ANKRD31: variants seen among roughly 807,000 people sequenced by gnomAD.
ANKRD31 encodes ankyrin repeat domain 31.
ANKRD31 carries 147 observed loss-of-function variants against 186.0 expected under a neutral mutation model. The ratio of observed to expected loss-of-function variants is 0.79; its 90% CI spans 0.69 to 0.91. The LOEUF is 0.91. ANKRD31 is among the 40% of genes least tolerant of loss of function. The pLI, the probability that ANKRD31 is intolerant of heterozygous loss-of-function variation, is 0.00. For missense variants in ANKRD31, 1,986 were observed against 2,148.8 expected, an observed-to-expected ratio of 0.92 and a Z score of 1.50; for synonymous variants, 673 against 736.4, an observed-to-expected ratio of 0.91 and a Z score of 1.39.
At chr5:75,150,191 A>C (rs923637240) in intron 12 of ANKRD31, among the ~76,000 whole-genome samples, 2 of 151,878 alleles carry the variant, frequency 1.3e-5, no homozygotes, top group African/African-American at 4.8e-5. Flanking sequence ...GAAAATTAGG[A>C]ATGTTAATTT....
intron 14 of ANKRD31, among the ~76,000 whole-genome samples, 175 bp downstream of exon 14, chr5:75,145,811 CT>C: frequency 6.6e-6 from 1 of 152,170 alleles, no homozygotes; most frequent in South Asian, 2.1e-4. Context: ...ATCGTTTTGA[CT>C]TTCGAAGTAA....
intron 10 of ANKRD31, among the ~76,000 whole-genome samples, chr5:75,175,920 C>A (rs200979566): frequency 6.6e-6 from 1 of 151,948 alleles, no homozygotes; most frequent in East Asian, 1.9e-4. Flanking sequence ...ATGTGTGAGC[C>A]GAAGCAGGGT....
At chr5:75,216,080 T>C (rs1022164938) in intron 3 of ANKRD31, among the ~76,000 whole-genome samples, 1 of 152,196 alleles carries the variant, frequency 6.6e-6, no homozygotes, top group Non-Finnish European at 1.5e-5. Flanking sequence ...ATTTTTCCAA[T>C]GAAAGTTTTT....
At chr5:75,131,025 G>T (rs1281033708) in intron 17 of ANKRD31, among the ~76,000 whole-genome samples, 1 of 152,182 alleles carries the variant, frequency 6.6e-6, no homozygotes, top group Admixed American at 6.5e-5. Context: ...CCATGCACGG[G>T]ACCCAGCCTC....
At chr5:75,191,684 G>C (rs1004579212) in intron 9 of ANKRD31, among the ~76,000 whole-genome samples, 2 of 151,934 alleles carry the variant, frequency 1.3e-5, no homozygotes, top group African/African-American at 4.8e-5. Flanking sequence ...TCAAGAACAA[G>C]GTTCTTCTTT....
chr5:75,223,303 GAATGA>G (rs1380246984), intron 2 of ANKRD31, among the ~76,000 whole-genome samples: 5 of 152,018 alleles, frequency 3.3e-5, no homozygotes. Flanking sequence ...ATACTACACT[GAATGA>G]AATAATACTT....
At chr5:75,088,290 A>G (rs10462511) in intron 23 of ANKRD31, among the ~76,000 whole-genome samples, 81,685 of 151,986 alleles carry the variant, frequency 0.54, 24,549 homozygotes, top group African/African-American at 0.83. Context: ...ATCCAAAGGA[A>G]TGGAAAGGGT....
chr5:75,206,569 T>C, intron 4 of ANKRD31, 82 bp from the exon 5 acceptor site: 2 of 785,594 alleles, frequency 2.5e-6, no homozygotes, highest in East Asian at 3.9e-5. Flanking sequence ...TAATTTTTCT[T>C]TTTCACTTAA....
Position 75,146,232 on chromosome 5 carries a change from T to C in ANKRD31, c.3179A>G (p.Asn1060Ser). Residue 1060 changes from asparagine to serine, a missense_variant, in exon 14 of 26, where the codon AAT becomes AGT. Transcript: ENST00000506364. The part of the protein sequence containing the change: ...DTHIVEKMAK[N>S]CDTERNYIDR... ...AATGTAATTCCTCTCAGTGTCACAA[T>C]TCTTTGCCATCTTTTCCACAATATG... 6.5e-7 allele frequency: 1 copy of C among 1,536,474 alleles called. No individual in the cohort carries two copies. The highest frequency in any genetic ancestry group is 8.7e-7 in the Non-Finnish European group (1 of 1,146,416).
At chr5:75,140,805 C>A (rs1387681373) in intron 15 of ANKRD31, among the ~76,000 whole-genome samples, 3 of 152,126 alleles carry the variant, frequency 2.0e-5, no homozygotes. Context: ...AGCCAACCAT[C>A]CTCAAGAAAT....
At chr5:75,188,795 T>A in intron 9 of ANKRD31, 147 bp from the exon 10 acceptor site, 1 of 651,104 alleles carries the variant, frequency 1.5e-6, no homozygotes, top group Non-Finnish European at 2.5e-6. Flanking sequence ...TGAAGTATAT[T>A]ATGAGAATAT....
chr5:75,158,783 T>G (rs1752377344), intron 11 of ANKRD31, among the ~76,000 whole-genome samples: 1 of 152,006 alleles, frequency 6.6e-6, no homozygotes, highest in African/African-American at 2.4e-5. Context: ...CAGAGTGAGA[T>G]TCTGTCTCAA....
At chr5:75,173,344 T>G (rs188507462) in intron 10 of ANKRD31, among the ~76,000 whole-genome samples, 2 of 152,136 alleles carry the variant, frequency 1.3e-5, no homozygotes, top group Admixed American at 6.6e-5. Context: ...ATACCCTCTC[T>G]CAACTCCTAT....
rs1015692848 is a variant in ANKRD31, at chr5:75,206,474, A to G, written c.340T>C (p.Cys114Arg). ...CGAAACGACCCAATGAACATTGAAC[A>G]GTTTTTTCTAGTCCTAAAAAATCAA... Reference protein sequence around the residue: ...NQALLQTRKNCSMFIGSFRQS... With the variant: ...NQALLQTRKNRSMFIGSFRQS... Residue 114 changes from cysteine (C) to arginine (R), a missense_variant, in exon 5 of 26, where the codon TGT becomes CGT. By Grantham distance (180) the Cys-to-Arg change is radical. Coordinates refer to ENST00000506364, the MANE Select transcript of ANKRD31 (RefSeq NM_001372053.1). 32 of 1,441,342 alleles carry G rather than the reference A, an allele frequency of 2.2e-5. No homozygotes were observed. The highest frequency in any genetic ancestry group is 1.9e-4 in the Middle Eastern group (1 of 5,174). The allele number at this position is 1,441,342 out of a possible 1,614,324, so 89.3% of individuals were successfully genotyped here. A position where few individuals can be genotyped will look rare whatever the true frequency, so the allele number is the denominator to read the frequency against.
chr5:75,206,221 A>G (rs1756171878), intron 5 of ANKRD31, among the ~76,000 whole-genome samples, 190 bp downstream of exon 5: 1 of 4,788 alleles, frequency 2.1e-4, no homozygotes, highest in African/African-American at 1.2e-3. Context: ...TCTACCAAAA[A>G]AAAAAAAAAA....
intron 10 of ANKRD31, among the ~76,000 whole-genome samples, chr5:75,172,088 CAGACAAA>C (rs1753373524): frequency 6.6e-6 from 1 of 151,778 alleles, no homozygotes; most frequent in Non-Finnish European, 1.5e-5. Flanking sequence ...AAAAAAATCA[CAGACAAA>C]AGAATTATCT....
chr5:75,228,967 G>A (rs1007158049), intron 2 of ANKRD31, among the ~76,000 whole-genome samples: 7 of 152,304 alleles, frequency 4.6e-5, no homozygotes, highest in Non-Finnish European at 1.0e-4. Flanking sequence ...TGAAAAGACT[G>A]TGAACCATAA....
intron 11 of ANKRD31, among the ~76,000 whole-genome samples, chr5:75,159,755 A>G (rs1752448592): frequency 6.6e-6 from 1 of 152,096 alleles, no homozygotes; most frequent in Non-Finnish European, 1.5e-5. Context: ...GCAAGTGACA[A>G]TAACTCAAAT....
intron 3 of ANKRD31, among the ~76,000 whole-genome samples, chr5:75,218,042 G>A (rs986587592): frequency 1.3e-5 from 2 of 152,198 alleles, no homozygotes; most frequent in East Asian, 3.9e-4. Flanking sequence ...AACTGGAGAA[G>A]CAAGAGTAAA....
Sources: gnomAD v4.1 joint callset for allele counts (sites outside exome capture counted in the v4.1 genomes callset) on GRCh38, gnomAD v4.1.1 for gene constraint, MANE v1.5 for transcripts, NCBI Gene and HGNC (gene_info 2026-07-23, HGNC 2026-07-21) for gene names.